The following ARSF variants were observed in gnomAD, a reference collection of about 807,000 sequenced individuals.
ARSF encodes arylsulfatase F.
A neutral mutation model predicts 35.4 loss-of-function variants in ARSF; 33 were observed. The observed-to-expected ratio is 0.93, with a 90% CI of 0.71 to 1.25. The LOEUF is 1.25. Ranked by LOEUF, ARSF falls within the 50% of genes most tolerant of loss-of-function variation. ARSF has a pLI of 0.00. For missense variants in ARSF, 501 were observed against 480.2 expected, an observed-to-expected ratio of 1.04 and a Z score of -0.40; for synonymous variants, 222 against 193.1, an observed-to-expected ratio of 1.15 and a Z score of -1.24.
chrX:3,105,918 C>T (rs1231006402), intron 9 of ARSF, among the ~76,000 whole-genome samples: 3 of 112,100 alleles, frequency 2.7e-5, no homozygotes, highest in East Asian at 5.6e-4. Context: ...GTTAGGGAGA[C>T]GGCAAATGTC....
At chrX:3,090,040 G>A (rs1209374689) in intron 7 of ARSF, among the ~76,000 whole-genome samples, 3 of 111,192 alleles carry the variant, frequency 2.7e-5, no homozygotes, top group Non-Finnish European at 5.7e-5. Flanking sequence ...AGCATAGCAC[G>A]CAATAGTTAG....
In ARSF at chrX:3,082,717, G is replaced by A. The variant is rs747543714; in HGVS notation, c.407-1526G>A. On this transcript the variant is annotated intron_variant, in intron 5 of 10. Transcript: ENST00000381127. ...TCTGTCCTCCATCATTTATTTGTAC[G>A]TGTCATATTTATTACATCTATGTCT... 1.2e-4 allele frequency among the ~76,000 whole-genome samples: 13 copies of A among 110,645 alleles called. No individual in the cohort carries two copies. In the South Asian group the frequency reaches 3.9e-3, roughly 33 times the overall value.
intron 1 of ARSF, among the ~76,000 whole-genome samples, chrX:3,052,841 G>A (rs1346997484): frequency 9.0e-6 from 1 of 111,586 alleles, no homozygotes; most frequent in Non-Finnish European, 1.9e-5. Flanking sequence ...TATTGTTATT[G>A]CACACAGAAG....
intron 7 of ARSF, among the ~76,000 whole-genome samples, chrX:3,093,078 A>G (rs2090310398): frequency 9.1e-6 from 1 of 110,449 alleles, no homozygotes. Context: ...AGGCAGGAGA[A>G]TGGCGTGAAC....
At chrX:3,057,567 A>G (rs1286265213) in intron 1 of ARSF, among the ~76,000 whole-genome samples, 1 of 111,755 alleles carries the variant, frequency 8.9e-6, no homozygotes, top group Non-Finnish European at 1.9e-5. Context: ...TCCTGATTTC[A>G]CCCATGAGAA....
At chrX:3,091,035 T>C (rs2090285489) in intron 7 of ARSF, among the ~76,000 whole-genome samples, 1 of 46,928 alleles carries the variant, frequency 2.1e-5, no homozygotes, top group African/African-American at 1.7e-4. Flanking sequence ...CTCAGCCTCC[T>C]GAGTAGCTGG....
intron 8 of ARSF, among the ~76,000 whole-genome samples, chrX:3,102,579 C>T (rs1270745779): frequency 8.9e-6 from 1 of 112,507 alleles, no homozygotes; most frequent in Non-Finnish European, 1.9e-5. Context: ...AATTGCACTG[C>T]TATAAGCATG....
At chrX:3,092,356 A>G (rs761685299) in intron 7 of ARSF, among the ~76,000 whole-genome samples, 32 of 112,020 alleles carry the variant, frequency 2.9e-4, no homozygotes, top group Non-Finnish European at 5.1e-4. Context: ...TTGAAAATCA[A>G]TGAAATAGGT....
chrX:3,054,078 T>C (rs1294603314), intron 1 of ARSF, among the ~76,000 whole-genome samples: 1 of 111,224 alleles, frequency 9.0e-6, no homozygotes, highest in African/African-American at 3.3e-5. Flanking sequence ...CTGGACTTTT[T>C]TTCGGAGACA....
rs182958929 is a variant in ARSF at position 3,072,307 on chromosome X, G to T, written c.161+132G>T. The T allele has an allele frequency of 3.1e-4, 191 of 616,476 alleles. No homozygotes were observed. In the African/African-American group the frequency reaches 3.9e-3, roughly 13 times the overall value. The allele number at this position is 616,476 out of a possible 1,213,427, so 50.8% of individuals were successfully genotyped here. ...TTTTTTAAGTTACTTTAAACTTTTT[G>T]ATAGTTTTAAATTATTTAGATTATG... On this transcript the variant is annotated intron_variant, in intron 3 of 10. Transcript: ENST00000381127.
chrX:3,076,628 G>A lies in ARSF; in HGVS notation c.242G>A (p.Ser81Asn), dbSNP rs747173100. 8.3e-7 allele frequency: 1 copy of A among 1,211,519 alleles called. No homozygotes were observed. Among genetic ancestry groups the A allele is most frequent in the South Asian group, 1.8e-5 (1 of 56,907 alleles). Reference protein sequence around the residue: ...HISAASLCSPSRSAFLTGRYP... With the variant: ...HISAASLCSPNRSAFLTGRYP... ...TCTGCCGCCTCCCTCTGCAGCCCAA[G>A]CCGGTCCGCGTTCTTGACGGGAAGA... The change falls in exon 4 of 11, where the codon AGC becomes AAC. Residue 81 changes from serine to asparagine, a missense_variant. Physicochemically the swap from Ser to Asn is conservative, Grantham distance 46. Coordinates refer to ENST00000381127, the MANE Select transcript of ARSF (RefSeq NM_001201539.2).
At position 3,084,093 on chromosome X, in the gene ARSF, G is replaced by A. The variant is rs778373076; in HGVS notation, c.407-150G>A. On this transcript the variant is annotated intron_variant, in intron 5 of 10. Coordinates refer to ENST00000381127, the MANE Select transcript of ARSF (RefSeq NM_001201539.2). ...AAAAAAATGTGGCTAAGTGGCACTC[G>A]GATTTTTTAGAGGAAGGAGAATATC... 10 of 719,344 alleles carry A rather than the reference G, an allele frequency of 1.4e-5. No individual in the cohort carries two copies. The South Asian group carries it at 2.1e-4, about 15-fold the overall frequency. 59.3% of individuals were successfully genotyped at this position (719,344 alleles called of 1,213,427 possible).
chrX:3,072,269 T>C lies in ARSF; in HGVS notation c.161+94T>C, dbSNP rs111287006. 9,540 of 928,501 alleles carry C rather than the reference T, an allele frequency of 0.01. 456 individuals are homozygous for C. The African/African-American group carries it at 0.15, about 15-fold the overall frequency. 76.5% of individuals were successfully genotyped at this position (928,501 alleles called of 1,213,427 possible). A position where few individuals can be genotyped will look rare whatever the true frequency, so the allele number is the denominator to read the frequency against. Reference sequence around the variant, plus strand: ...GCATCTATGTGCAAAACCAAATGTATTTGTTGGGACTTTTTTTTAAGTTAC... The same window carrying C: ...GCATCTATGTGCAAAACCAAATGTACTTGTTGGGACTTTTTTTTAAGTTAC... On this transcript the variant is annotated intron_variant, in intron 3 of 10. Coordinates refer to ENST00000381127, the MANE Select transcript of ARSF (RefSeq NM_001201539.2).
rs574805090 is a variant in ARSF, at chrX:3,110,977, C to T, written c.1390+725C>T. ...CTGCTGGAAAATGTGTATATCATTT[C>T]ACCAGGGAACTCTAATGTTCTCGTT... On this transcript the variant is annotated intron_variant, in intron 10 of 10. Coordinates refer to ENST00000381127, the MANE Select transcript of ARSF (RefSeq NM_001201539.2). Among the ~76,000 whole-genome samples the T allele has an allele frequency of 2.7e-5, 3 of 111,949 alleles. No homozygotes were observed. In the South Asian group the frequency reaches 1.1e-3, roughly 42 times the overall value.
chrX:3,047,423 G>T (rs2089979866), intron 1 of ARSF, among the ~76,000 whole-genome samples: 1 of 110,788 alleles, frequency 9.0e-6, no homozygotes, highest in Non-Finnish European at 1.9e-5. Context: ...CAGGTGATCT[G>T]CCCACCTTGG....
At chrX:3,100,891 G>A (rs1053131894) in intron 7 of ARSF, among the ~76,000 whole-genome samples, 196 bp from the exon 8 acceptor site, 2 of 111,455 alleles carry the variant, frequency 1.8e-5, no homozygotes, top group East Asian at 2.8e-4. Context: ...CACCGCGCCC[G>A]GCCTGACTCT....
chrX:3,096,134 C>A (rs1198420990), intron 7 of ARSF, among the ~76,000 whole-genome samples: 1 of 108,166 alleles, frequency 9.2e-6, no homozygotes, highest in African/African-American at 3.3e-5. Context: ...ATTAGCTATA[C>A]ATAAATATAT....
At chrX:3,058,703 A>G (rs1409069721) in intron 1 of ARSF, 2 of 291,698 alleles carry the variant, frequency 6.9e-6, no homozygotes, top group East Asian at 2.1e-4. Flanking sequence ...AAAATAGAAA[A>G]TAAAGAAATT....
intron 1 of ARSF, among the ~76,000 whole-genome samples, chrX:3,064,757 C>T (rs1212272005): frequency 9.0e-6 from 1 of 111,617 alleles, no homozygotes; most frequent in Non-Finnish European, 1.9e-5. Flanking sequence ...ACTGAGATAC[C>T]ATCTCACACC....
Sources: gnomAD v4.1 joint callset for allele counts (sites outside exome capture counted in the v4.1 genomes callset) on GRCh38, gnomAD v4.1.1 for gene constraint, MANE v1.5 for transcripts, NCBI Gene and HGNC (gene_info 2026-07-23, HGNC 2026-07-21) for gene names.